The following RIT1 variants were observed in gnomAD, a reference collection of about 807,000 sequenced individuals.
RIT1 encodes Ras like without CAAX 1.
RIT1 carries 6 observed loss-of-function variants against 25.6 expected under a neutral mutation model. The observed-to-expected ratio is 0.23, with a 90% CI of 0.13 to 0.46. RIT1 has a LOEUF of 0.46. Among genes scored for constraint, RIT1 ranks in the 20% least tolerant of loss-of-function variants. The probability of loss-of-function intolerance (pLI) is 0.99; values close to 1 mark genes in which losing one functional copy is unlikely to be tolerated. For missense variants in RIT1, 219 were observed against 284.4 expected (o/e 0.77, Z 1.65); for synonymous variants, 81 against 94.1 (o/e 0.86, Z 0.80).
chr1:155,910,043 T>C (rs1478163766), intron 3 of RIT1: 3 of 176,750 alleles, frequency 1.7e-5, no homozygotes, highest in Admixed American at 1.1e-4. Context: ...CATGTCTGGG[T>C]TGTAAGAGTT....
Position 155,899,758 on chromosome 1 carries a change from TG to T in RIT1, c.*629del. On this transcript the variant is annotated 3_prime_UTR_variant, in exon 6 of 6. Coordinates refer to ENST00000368323, the MANE Select transcript of RIT1 (RefSeq NM_006912.6). ...CTTATCCCGGTGAATTTGGGCCAAA[TG>T]TGTACTTCTTAGAAAAGCGAAGCTT... 4.5e-6 allele frequency: 1 copy of T among 221,894 alleles called. No homozygotes were observed. Among genetic ancestry groups the T allele is most frequent in the Non-Finnish European group, 9.0e-6 (1 of 110,924 alleles). The allele number at this position is 221,894 out of a possible 1,614,324, so 13.7% of individuals were successfully genotyped here. A position where few individuals can be genotyped will look rare whatever the true frequency, so the allele number is the denominator to read the frequency against.
rs1364373763 is a variant in RIT1 at position 155,900,354 on chromosome 1, T to A, written c.*34A>T. 1.3e-6 allele frequency: 2 copies of A among 1,502,802 alleles called. No individual in the cohort carries two copies. Among genetic ancestry groups the A allele is most frequent in the South Asian group, 1.1e-5 (1 of 88,398 alleles). The allele number at this position is 1,502,802 out of a possible 1,614,324, so 93.1% of individuals were successfully genotyped here. A position where few individuals can be genotyped will look rare whatever the true frequency, so the allele number is the denominator to read the frequency against. On this transcript the variant is annotated 3_prime_UTR_variant, in exon 6 of 6. Transcript: ENST00000368323. ...TTACTGGACTGCTTTGATACAGCAC[T>A]GCAGTTCACAGATAAACACTTCACA...
intron 3 of RIT1, among the ~76,000 whole-genome samples, chr1:155,906,467 T>C (rs956977803): frequency 6.6e-6 from 1 of 151,134 alleles, no homozygotes. Flanking sequence ...TAAATAAAAA[T>C]AGAAAATACC....
rs1214799210 is a variant in RIT1 at position 155,900,301 on chromosome 1, GAGCA to G, written c.*83_*86del. On this transcript the variant is annotated 3_prime_UTR_variant, in exon 6 of 6. Transcript: ENST00000368323. ...TGTCCCTCTTATCAGTTAAGTGAAA[GAGCA>G]AGCACCATACTCAGTACTGCAGGTT... The G allele has an allele frequency of 1.0e-5, 9 of 900,788 alleles. No individual in the cohort carries two copies. Among genetic ancestry groups the G allele is most frequent in the Admixed American group, 2.1e-5 (1 of 46,574 alleles). 55.8% of individuals were successfully genotyped at this position (900,788 alleles called of 1,614,324 possible).
intron 5 of RIT1, among the ~76,000 whole-genome samples, chr1:155,901,495 G>A (rs1461934333): frequency 6.6e-6 from 1 of 151,886 alleles, no homozygotes; most frequent in Non-Finnish European, 1.5e-5. Context: ...AAAACTAGCT[G>A]GGCATGGTGT....
intron 3 of RIT1, among the ~76,000 whole-genome samples, chr1:155,909,933 A>AAC (rs1673552362): frequency 6.6e-6 from 1 of 151,512 alleles, no homozygotes; most frequent in Non-Finnish European, 1.5e-5. Context: ...AAAAAAAAAA[A>AAC]AAAACAACAG....
intron 3 of RIT1, 99 bp downstream of exon 3, chr1:155,910,351 C>A: frequency 1.9e-6 from 2 of 1,038,174 alleles, no homozygotes; most frequent in South Asian, 1.4e-5. Flanking sequence ...GAATTAGACT[C>A]CAAAAAAGCC....
At chr1:155,900,964 C>T (rs1374120689) in intron 5 of RIT1, among the ~76,000 whole-genome samples, 6 of 151,982 alleles carry the variant, frequency 3.9e-5, no homozygotes, top group South Asian at 2.1e-4. Flanking sequence ...TACAGGCATG[C>T]GCCACCACAC....
At chr1:155,904,709 A>C in intron 4 of RIT1, 22 bp downstream of exon 4, 1 of 1,575,678 alleles carries the variant, frequency 6.3e-7, no homozygotes, top group Non-Finnish European at 8.7e-7. Flanking sequence ...GCCTTTACTC[A>C]TAACATTCTG....
At position 155,899,554 on chromosome 1, in the gene RIT1, T is replaced by G. The variant is rs1397968208; in HGVS notation, c.*834A>C. On this transcript the variant is annotated 3_prime_UTR_variant, in exon 6 of 6. Coordinates refer to ENST00000368323, the MANE Select transcript of RIT1 (RefSeq NM_006912.6). ...TGCGTCTGTGGGGAAAAAATAAACC[T>G]GTACAAGGCAATGGCTGATCCAACT... The G allele has an allele frequency of 4.4e-6, 1 of 225,354 alleles. No homozygotes were observed. The highest frequency in any genetic ancestry group is 8.9e-6 in the Non-Finnish European group (1 of 112,910). The allele number at this position is 225,354 out of a possible 1,614,324, so 14.0% of individuals were successfully genotyped here.
chr1:155,904,090 G>A (rs1673376638), intron 5 of RIT1, among the ~76,000 whole-genome samples: 1 of 152,192 alleles, frequency 6.6e-6, no homozygotes, highest in Admixed American at 6.5e-5. Context: ...TTTTTGTAGA[G>A]ATGGGGTTTC....
rs796190570 is a variant in RIT1, at chr1:155,899,772, A to G, written c.*616T>C. 11 of 221,506 alleles carry G rather than the reference A, an allele frequency of 5.0e-5. No individual in the cohort carries two copies. Among genetic ancestry groups the G allele is most frequent in the African/African-American group, 2.5e-4 (11 of 44,850 alleles). 13.7% of individuals were successfully genotyped at this position (221,506 alleles called of 1,614,324 possible). ...TTTGGGCCAAATGTGTACTTCTTAG[A>G]AAAGCGAAGCTTGTACTGAGAATAC... is the stretch of plus-strand genomic sequence containing the variant. On this transcript the variant is annotated 3_prime_UTR_variant, in exon 6 of 6. Transcript: ENST00000368323.
rs575858514 is a variant in RIT1 at position 155,911,001 on chromosome 1, C to T, written c.-43-197G>A. ...CACCCTCCCTCCTAGACAGTTCAGT[C>T]ACATGACACATCACAGGTTTTACTT... On this transcript the variant is annotated intron_variant, in intron 1 of 5. Coordinates refer to ENST00000368323, the MANE Select transcript of RIT1 (RefSeq NM_006912.6). The T allele has an allele frequency of 3.6e-4, 421 of 1,178,816 alleles. 2 individuals carry two copies. The highest frequency in any genetic ancestry group is 1.2e-3 in the South Asian group (90 of 74,046). The allele number at this position is 1,178,816 out of a possible 1,614,324, so 73.0% of individuals were successfully genotyped here.
At chr1:155,904,041 T>A (rs989452530) in intron 5 of RIT1, among the ~76,000 whole-genome samples, 1 of 152,160 alleles carries the variant, frequency 6.6e-6, no homozygotes, top group Non-Finnish European at 1.5e-5. Context: ...TGGGACCACA[T>A]GTGCATGCAC....
chr1:155,904,946 A>G, intron 3 of RIT1, 142 bp from the exon 4 acceptor site: 1 of 613,244 alleles, frequency 1.6e-6, no homozygotes, highest in Non-Finnish European at 2.9e-6. Flanking sequence ...AAATCCACTG[A>G]GATACATAAA....
rs936561623 is a variant in RIT1, at chr1:155,899,369, C to T, written c.*1019G>A. 1.8e-5 allele frequency: 4 copies of T among 225,064 alleles called. No homozygotes were observed. Among genetic ancestry groups the T allele is most frequent in the East Asian group, 6.4e-5 (1 of 15,684 alleles). The allele number at this position is 225,064 out of a possible 1,614,324, so 13.9% of individuals were successfully genotyped here. Reference sequence around the variant, plus strand: ...GAGCACTGAGTCTAGTGATTGTCCACGTCAAGGAGGCACACACACAATTTT... The same window carrying T: ...GAGCACTGAGTCTAGTGATTGTCCATGTCAAGGAGGCACACACACAATTTT... On this transcript the variant is annotated 3_prime_UTR_variant, in exon 6 of 6. Coordinates refer to ENST00000368323, the MANE Select transcript of RIT1 (RefSeq NM_006912.6).
At chr1:155,911,134 G>T in intron 1 of RIT1, 109 bp downstream of exon 1, 1 of 560,030 alleles carries the variant, frequency 1.8e-6, no homozygotes, top group Non-Finnish European at 3.1e-6. Flanking sequence ...GGCCGCAGGG[G>T]TTCTCTCACG....
At chr1:155,909,595 T>C (rs1347624267) in intron 3 of RIT1, among the ~76,000 whole-genome samples, 1 of 152,040 alleles carries the variant, frequency 6.6e-6, no homozygotes, top group East Asian at 1.9e-4. Context: ...TTTTACTCTA[T>C]TAGCGTTCTG....
chr1:155,904,944 T>G, intron 3 of RIT1, 140 bp from the exon 4 acceptor site: 1 of 615,212 alleles, frequency 1.6e-6, no homozygotes. Context: ...CTAAATCCAC[T>G]GAGATACATA....
Sources: allele counts gnomAD v4.1 joint callset (sites outside exome capture counted in the v4.1 genomes callset), GRCh38; gene constraint gnomAD v4.1.1; transcripts MANE v1.5; gene names NCBI Gene and HGNC (gene_info 2026-07-23, HGNC 2026-07-21).